The following TSHZ2 variants were observed in gnomAD, a reference collection of about 807,000 sequenced individuals.
The protein encoded by TSHZ2 is teashirt homolog 2.
Under a neutral mutation model 74.4 loss-of-function variants are expected in TSHZ2, and 21 were observed. The observed-to-expected ratio is 0.28, with a 90% CI of 0.20 to 0.41. The LOEUF is 0.41. Ranked by LOEUF, TSHZ2 falls within the 10% of genes least tolerant of loss-of-function variation. The pLI is 1.00. For missense variants in TSHZ2, 1,244 were observed against 1,293.5 expected (o/e 0.96, Z 0.59); for synonymous variants, 540 against 515.3 (o/e 1.05, Z -0.65).
intron 2 of TSHZ2, among the ~76,000 whole-genome samples, chr20:53,446,713 A>G (rs1284793263): frequency 2.0e-5 from 3 of 152,122 alleles, no homozygotes; most frequent in Non-Finnish European, 4.4e-5. Flanking sequence ...ATAAATTCTC[A>G]TATTGATGAA....
At chr20:53,057,497 GTTTT>G (rs918745406) in intron 1 of TSHZ2, among the ~76,000 whole-genome samples, 1 of 150,538 alleles carries the variant, frequency 6.6e-6, no homozygotes, top group Non-Finnish European at 1.5e-5. Context: ...GGTTATGTAT[GTTTT>G]TTTTTCTTTT....
At chr20:53,021,755 T>C (rs920663388) in intron 1 of TSHZ2, among the ~76,000 whole-genome samples, 4 of 152,194 alleles carry the variant, frequency 2.6e-5, no homozygotes, top group African/African-American at 7.2e-5. Flanking sequence ...ACTGTGTCTC[T>C]ACAACCAAGC....
At chr20:53,078,565 A>T (rs995592465) in intron 1 of TSHZ2, among the ~76,000 whole-genome samples, 1 of 152,242 alleles carries the variant, frequency 6.6e-6, no homozygotes, top group South Asian at 2.1e-4. Flanking sequence ...ACAGGATTAC[A>T]TCATAAATTA....
intron 2 of TSHZ2, among the ~76,000 whole-genome samples, chr20:53,339,411 G>C (rs1302967770): frequency 6.6e-6 from 1 of 152,132 alleles, no homozygotes; most frequent in Non-Finnish European, 1.5e-5. Flanking sequence ...ATTACTGGCT[G>C]TTCCTGAGCC....
At position 53,494,124 on chromosome 20, in the gene TSHZ2, A is replaced by C. The variant is rs929888978; in HGVS notation, c.*6989A>C. The C allele has an allele frequency of 6.6e-6, 1 of 152,174 alleles. No homozygotes were observed. The highest frequency in any genetic ancestry group is 6.6e-5 in the Admixed American group (1 of 15,256). 9.4% of individuals were successfully genotyped at this position (152,174 alleles called of 1,614,324 possible). A position where few individuals can be genotyped will look rare whatever the true frequency, so the allele number is the denominator to read the frequency against. On this transcript the variant is annotated 3_prime_UTR_variant, in exon 3 of 3. Transcript: ENST00000371497. ...ACATGGCAAAACCTCGTCTCTACTA[A>C]AAATACAAAAAACATTAGCAGGGCA... is the stretch of plus-strand genomic sequence containing the variant.
At chr20:53,296,522 G>A (rs1231171735) in intron 2 of TSHZ2, among the ~76,000 whole-genome samples, 1 of 152,174 alleles carries the variant, frequency 6.6e-6, no homozygotes, top group Non-Finnish European at 1.5e-5. Flanking sequence ...AGCTGGGCTA[G>A]CATTTCCAGG....
chr20:53,363,963 T>C (rs977642727), intron 2 of TSHZ2, among the ~76,000 whole-genome samples: 2 of 152,124 alleles, frequency 1.3e-5, no homozygotes, highest in Non-Finnish European at 2.9e-5. Flanking sequence ...ACAAAATTAT[T>C]TTTTCTATCA....
chr20:53,053,650 AG>A (rs1370486177), intron 1 of TSHZ2, among the ~76,000 whole-genome samples: 1 of 152,198 alleles, frequency 6.6e-6, no homozygotes, highest in Admixed American at 6.5e-5. Flanking sequence ...GGAAATCAAT[AG>A]GAGGGATAAC....
chr20:53,322,128 G>A (rs1979293439), intron 2 of TSHZ2, among the ~76,000 whole-genome samples: 1 of 152,206 alleles, frequency 6.6e-6, no homozygotes, highest in East Asian at 1.9e-4. Context: ...TTTCCTATCT[G>A]TAAATCAGAG....
At chr20:53,146,306 A>T (rs995317860) in intron 1 of TSHZ2, among the ~76,000 whole-genome samples, 3 of 152,100 alleles carry the variant, frequency 2.0e-5, no homozygotes, top group Admixed American at 6.6e-5. Flanking sequence ...GGTGTGATGG[A>T]TGGTTTCATT....
At position 53,472,989 on chromosome 20, in the gene TSHZ2, C is replaced by T. The variant is rs570401379; in HGVS notation, c.*9-14155C>T. 1.1e-4 allele frequency among the ~76,000 whole-genome samples: 17 copies of T among 152,080 alleles called. No individual in the cohort carries two copies. In the South Asian group the frequency reaches 3.1e-3, roughly 28 times the overall value. ...CGCACCACGAGATTATATCCCGCAC[C>T]TGGCTGGGAGGGTCCTACGCCCACG... On this transcript the variant is annotated intron_variant, in intron 2 of 2. Transcript: ENST00000371497.
chr20:53,368,219 C>T (rs964836345), intron 2 of TSHZ2, among the ~76,000 whole-genome samples: 3 of 151,490 alleles, frequency 2.0e-5, no homozygotes, highest in African/African-American at 4.9e-5. Flanking sequence ...CCGACAGCTA[C>T]GAGATCTTTA....
chr20:52,991,852 G>A (rs563261156), intron 1 of TSHZ2, among the ~76,000 whole-genome samples: 1 of 151,752 alleles, frequency 6.6e-6, no homozygotes, highest in East Asian at 1.9e-4. Flanking sequence ...TGCGTTTGTG[G>A]TGGACCTGGC....
chr20:53,084,491 C>A (rs1343637775), intron 1 of TSHZ2, among the ~76,000 whole-genome samples: 1 of 152,080 alleles, frequency 6.6e-6, no homozygotes, highest in Non-Finnish European at 1.5e-5. Context: ...GACTAAACTT[C>A]TATCAGTTTG....
chr20:53,099,945 G>A (rs895140120), intron 1 of TSHZ2, among the ~76,000 whole-genome samples: 1 of 152,150 alleles, frequency 6.6e-6, no homozygotes, highest in African/African-American at 2.4e-5. Flanking sequence ...TCATGATAAT[G>A]GGGATCTGTC....
At chr20:53,140,055 C>A (rs1471121742) in intron 1 of TSHZ2, among the ~76,000 whole-genome samples, 1 of 152,040 alleles carries the variant, frequency 6.6e-6, no homozygotes, top group African/African-American at 2.4e-5. Flanking sequence ...CTACGCTATG[C>A]AAAGGTACTG....
At position 53,206,796 on chromosome 20, in the gene TSHZ2, G is replaced by A. The variant is rs1267266568; in HGVS notation, c.41-46703G>A. 5.3e-5 allele frequency among the ~76,000 whole-genome samples: 8 copies of A among 152,098 alleles called. No individual in the cohort carries two copies. In the East Asian group the frequency reaches 1.5e-3, roughly 29 times the overall value. Reference sequence around the variant, plus strand: ...GCCCTGGAAAGATTCATTTTCTTGTGGGCATTTCTCCAGCCCTGGTGGGTA... The same window carrying A: ...GCCCTGGAAAGATTCATTTTCTTGTAGGCATTTCTCCAGCCCTGGTGGGTA... On this transcript the variant is annotated intron_variant, in intron 1 of 2. Transcript: ENST00000371497.
chr20:53,041,001 G>A (rs1984020797), intron 1 of TSHZ2, among the ~76,000 whole-genome samples: 2 of 152,198 alleles, frequency 1.3e-5, no homozygotes, highest in African/African-American at 4.8e-5. Context: ...CTTCTCAGGT[G>A]CCAAGGGGAA....
At chr20:53,450,122 C>G (rs990848563) in intron 2 of TSHZ2, among the ~76,000 whole-genome samples, 1 of 152,164 alleles carries the variant, frequency 6.6e-6, no homozygotes, top group Non-Finnish European at 1.5e-5. Context: ...ACTGGCTATG[C>G]CTTACTCATT....
Sources: allele counts gnomAD v4.1 joint callset (sites outside exome capture counted in the v4.1 genomes callset), GRCh38; gene constraint gnomAD v4.1.1; transcripts MANE v1.5; gene names NCBI Gene and HGNC (gene_info 2026-07-23, HGNC 2026-07-21).